The following TPD52L1 variants were observed in gnomAD, a reference collection of about 807,000 sequenced individuals.
TPD52L1 encodes the protein tumor protein D53.
In TPD52L1, 18 loss-of-function variants were observed where a neutral mutation model predicts 28.7. That is an observed-to-expected ratio of 0.63 (90% CI 0.43 to 0.93). The LOEUF is 0.93. Ranked by LOEUF, TPD52L1 falls within the 40% of genes least tolerant of loss-of-function variation. TPD52L1 has a pLI of 0.00. For synonymous variants in TPD52L1, 75 were observed against 88.8 expected, an observed-to-expected ratio of 0.84 and a Z score of 0.88; for missense variants, 203 against 254.8, an observed-to-expected ratio of 0.80 and a Z score of 1.39.
At chr6:125,254,279 A>G (rs960592374) in intron 5 of TPD52L1, among the ~76,000 whole-genome samples, 3 of 152,212 alleles carry the variant, frequency 2.0e-5, no homozygotes, top group African/African-American at 7.2e-5. Context: ...GACCAGATAA[A>G]AACTGGTGAG....
intron 1 of TPD52L1, among the ~76,000 whole-genome samples, chr6:125,198,668 A>G (rs1393528731): frequency 1.3e-5 from 2 of 152,242 alleles, no homozygotes; most frequent in Non-Finnish European, 2.9e-5. Flanking sequence ...CACAGTGCCT[A>G]ACACATTGTG....
intron 3 of TPD52L1, among the ~76,000 whole-genome samples, chr6:125,239,620 A>C (rs561326653): frequency 6.6e-6 from 1 of 152,224 alleles, no homozygotes; most frequent in South Asian, 2.1e-4. Context: ...ATTCAAGATG[A>C]GATTTGGGTG....
chr6:125,251,931 A>G, intron 4 of TPD52L1: 1 of 1,383,054 alleles, frequency 7.2e-7, no homozygotes, highest in Non-Finnish European at 9.9e-7. Flanking sequence ...GGGGCCCTTG[A>G]AAGGGGACCA....
intron 1 of TPD52L1, among the ~76,000 whole-genome samples, chr6:125,154,772 G>A (rs1323412744): frequency 2.0e-5 from 3 of 152,188 alleles, no homozygotes; most frequent in Non-Finnish European, 4.4e-5. Context: ...GATGTGGAGC[G>A]AGAGACAAGT....
rs1797939591 is a variant in TPD52L1, at chr6:125,260,972, GAAA to G, written c.487-1861_487-1859del. 2.9e-4 allele frequency: 15 copies of G among 51,246 alleles called. 1 individual carries two copies. The highest frequency in any genetic ancestry group is 2.1e-3 in the African/African-American group (14 of 6,714). 3.2% of individuals were successfully genotyped at this position (51,246 alleles called of 1,614,324 possible). On this transcript the variant is annotated intron_variant, in intron 6 of 6. Transcript: ENST00000534000. The stretch of plus-strand genomic sequence containing the variant: ...AGAAAGAAAGAAAGAAAGAAAGAAA[GAAA>G]GAAAAGAAAAGAAAGAAAGAAAGAA...
intron 1 of TPD52L1, among the ~76,000 whole-genome samples, chr6:125,174,123 T>A (rs756195627): frequency 6.6e-6 from 1 of 152,164 alleles, no homozygotes; most frequent in Non-Finnish European, 1.5e-5. Flanking sequence ...ATGATGCAGA[T>A]GAATTGCTTA....
intron 4 of TPD52L1, among the ~76,000 whole-genome samples, chr6:125,250,339 A>G (rs1797187722): frequency 6.6e-6 from 1 of 152,234 alleles, no homozygotes. Flanking sequence ...ATCTGCATTT[A>G]TAACAAGCTT....
intron 3 of TPD52L1, among the ~76,000 whole-genome samples, chr6:125,242,672 G>T (rs1461619771): frequency 6.6e-6 from 1 of 152,008 alleles, no homozygotes; most frequent in Non-Finnish European, 1.5e-5. Flanking sequence ...ACCTTAAGTT[G>T]ATGTGATTCC....
intron 1 of TPD52L1, among the ~76,000 whole-genome samples, chr6:125,198,483 A>G (rs1327840789): frequency 3.3e-5 from 5 of 152,302 alleles, no homozygotes; most frequent in African/African-American, 1.2e-4. Context: ...ACACGTGACC[A>G]CAAACACATG....
At chr6:125,246,371 C>T (rs911643870) in intron 3 of TPD52L1, among the ~76,000 whole-genome samples, 3 of 152,130 alleles carry the variant, frequency 2.0e-5, no homozygotes, top group African/African-American at 7.2e-5. Flanking sequence ...TCTGTGAATT[C>T]TTTCGGTGTT....
intron 1 of TPD52L1, among the ~76,000 whole-genome samples, chr6:125,160,910 G>A (rs1186177877): frequency 6.7e-6 from 1 of 148,544 alleles, no homozygotes; most frequent in Non-Finnish European, 1.5e-5. Context: ...GGAGTGCAGT[G>A]GCACGATCTT....
chr6:125,165,948 A>G (rs1156874869), intron 1 of TPD52L1, among the ~76,000 whole-genome samples: 2 of 152,212 alleles, frequency 1.3e-5, no homozygotes, highest in East Asian at 1.9e-4. Flanking sequence ...TTTAAAATAA[A>G]TAAGTCATAG....
chr6:125,204,073 T>C lies in TPD52L1; in HGVS notation c.20-16005T>C, dbSNP rs147912069. ...ATGGCGGATAAGATTCTGCTGTAGG[T>C]GTCTTTAATTACCAAGTGGAACTAA... On this transcript the variant is annotated intron_variant, in intron 1 of 6. Transcript: ENST00000534000. Among the ~76,000 whole-genome samples, 441 of 152,272 alleles carry C rather than the reference T, an allele frequency of 2.9e-3. 1 individual carries two copies. Among genetic ancestry groups the C allele is most frequent in the African/African-American group, 9.9e-3 (410 of 41,568 alleles).
At chr6:125,191,984 C>CCTGACA (rs1342463004) in intron 1 of TPD52L1, among the ~76,000 whole-genome samples, 1 of 151,956 alleles carries the variant, frequency 6.6e-6, no homozygotes, top group Non-Finnish European at 1.5e-5. Flanking sequence ...AATGAAGGAC[C>CCTGACA]CTGACATATC....
intron 1 of TPD52L1, among the ~76,000 whole-genome samples, chr6:125,174,992 T>C (rs1175015822): frequency 1.3e-5 from 2 of 152,206 alleles, no homozygotes; most frequent in Non-Finnish European, 2.9e-5. Context: ...AAGCTTTTAA[T>C]ATGTTTGTGT....
chr6:125,220,009 C>A, intron 1 of TPD52L1, 69 bp from the exon 2 acceptor site: 2 of 1,129,784 alleles, frequency 1.8e-6, no homozygotes, highest in East Asian at 2.4e-5. Flanking sequence ...GTCCTCCACA[C>A]TATGGAAGCA....
At chr6:125,227,998 T>C (rs1039825547) in intron 2 of TPD52L1, among the ~76,000 whole-genome samples, 4 of 152,194 alleles carry the variant, frequency 2.6e-5, no homozygotes, top group Non-Finnish European at 5.9e-5. Context: ...CAACACACTT[T>C]GGCATATTCA....
At chr6:125,154,311 G>T in intron 1 of TPD52L1, 1 of 1,128,218 alleles carries the variant, frequency 8.9e-7, no homozygotes, top group Non-Finnish European at 1.1e-6. Flanking sequence ...TCCGGAAAGC[G>T]TGTTTCGCTC....
At chr6:125,162,213 T>C (rs1410886125) in intron 1 of TPD52L1, among the ~76,000 whole-genome samples, 4 of 152,222 alleles carry the variant, frequency 2.6e-5, no homozygotes, top group Non-Finnish European at 5.9e-5. Context: ...TAGGTGATGA[T>C]GCATATTTTA....
Sources: gnomAD v4.1 joint callset for allele counts (sites outside exome capture counted in the v4.1 genomes callset) on GRCh38, gnomAD v4.1.1 for gene constraint, MANE v1.5 for transcripts, NCBI Gene and HGNC (gene_info 2026-07-23, HGNC 2026-07-21) for gene names.